ATP8B4: variants seen among roughly 807,000 people sequenced by gnomAD.
ATP8B4 encodes ATPase phospholipid transporting 8B4 (putative), also known as probable phospholipid-transporting ATPase IM.
Under a neutral mutation model 145.6 loss-of-function variants are expected in ATP8B4, and 133 were observed. The observed-to-expected ratio is 0.91, with a 90% CI of 0.79 to 1.05. The LOEUF is 1.05. Among genes scored for constraint, ATP8B4 ranks in the 50% least tolerant of loss-of-function variants. The pLI is 0.00. For synonymous variants in ATP8B4, 507 were observed against 492.9 expected, an observed-to-expected ratio of 1.03 and a Z score of -0.38; for missense variants, 1,458 against 1,425.2, an observed-to-expected ratio of 1.02 and a Z score of -0.37.
intron 25 of ATP8B4, among the ~76,000 whole-genome samples, chr15:49,872,747 G>A (rs1482789784): frequency 2.6e-5 from 4 of 152,144 alleles, no homozygotes; most frequent in Non-Finnish European, 5.9e-5. Flanking sequence ...GAGATGGGAG[G>A]AGACTAAGGA....
chr15:49,874,769 G>A (rs1401514089), intron 25 of ATP8B4, among the ~76,000 whole-genome samples: 2 of 152,138 alleles, frequency 1.3e-5, no homozygotes, highest in Non-Finnish European at 2.9e-5. Flanking sequence ...TTGAAGTTCT[G>A]TAATTTTTTC....
At chr15:49,872,316 T>G (rs1299834647) in intron 25 of ATP8B4, among the ~76,000 whole-genome samples, 1 of 152,188 alleles carries the variant, frequency 6.6e-6, no homozygotes, top group Non-Finnish European at 1.5e-5. Flanking sequence ...TATTTAAAAT[T>G]ACACCTGCTA....
Position 49,931,307 on chromosome 15 carries a change from C to T in ATP8B4, c.1454G>A (p.Gly485Glu), listed in dbSNP as rs140925871. The T allele has an allele frequency of 1.4e-4, 230 of 1,611,034 alleles. 1 individual carries two copies. In the Middle Eastern group the frequency reaches 4.5e-3, roughly 31 times the overall value. ...HTVMSEENSA[G>E]ELIYQVQSPD... is the part of the protein sequence containing the mutation. ...TGACTGAACTTGGTAAATCAGCTCT[C>T]CTAAAAGGTAAAGAAACAAGTGTAT... The change falls in exon 16 of 28, where the codon GGA becomes GAA. Residue 485 changes from glycine to glutamate, a missense_variant and splice_region_variant. Coordinates refer to ENST00000284509, the MANE Select transcript of ATP8B4 (RefSeq NM_024837.4).
chr15:50,139,960 A>T (rs2044184782), intron 1 of ATP8B4, among the ~76,000 whole-genome samples: 1 of 152,086 alleles, frequency 6.6e-6, no homozygotes, highest in Non-Finnish European at 1.5e-5. Flanking sequence ...AATGGGAGGT[A>T]AGCTATGAGT....
chr15:50,016,489 G>A (rs965266160), intron 6 of ATP8B4, among the ~76,000 whole-genome samples: 2 of 152,170 alleles, frequency 1.3e-5, no homozygotes, highest in Non-Finnish European at 2.9e-5. Flanking sequence ...AAGTTCTCTT[G>A]GGATTAACAC....
intron 13 of ATP8B4, among the ~76,000 whole-genome samples, chr15:49,962,916 G>A (rs2044205535): frequency 6.6e-6 from 1 of 151,776 alleles, no homozygotes. Flanking sequence ...CTATTTGCCA[G>A]GATTAAATTT....
At chr15:50,047,623 T>A (rs574311436) in intron 3 of ATP8B4, among the ~76,000 whole-genome samples, 159 bp from the exon 4 acceptor site, 1 of 152,040 alleles carries the variant, frequency 6.6e-6, no homozygotes, top group Non-Finnish European at 1.5e-5. Flanking sequence ...TTTCCCAAGA[T>A]GATATGCTCC....
At chr15:50,015,511 G>A (rs764963590) in intron 6 of ATP8B4, among the ~76,000 whole-genome samples, 4 of 152,114 alleles carry the variant, frequency 2.6e-5, no homozygotes, top group Non-Finnish European at 5.9e-5. Flanking sequence ...ATTTCCCAGA[G>A]TAATTATGTA....
chr15:50,021,617 C>A (rs942733507), intron 6 of ATP8B4, among the ~76,000 whole-genome samples: 1 of 152,192 alleles, frequency 6.6e-6, no homozygotes, highest in Non-Finnish European at 1.5e-5. Flanking sequence ...TCTTTAAAAT[C>A]ATCTCCCCAT....
At chr15:50,167,293 A>G (rs1595664582) in intron 1 of ATP8B4, among the ~76,000 whole-genome samples, 1 of 152,210 alleles carries the variant, frequency 6.6e-6, no homozygotes, top group Non-Finnish European at 1.5e-5. Context: ...CTGGAGGACA[A>G]AAGTCCAAAG....
At chr15:50,128,088 T>C (rs1441190717) in intron 1 of ATP8B4, among the ~76,000 whole-genome samples, 1 of 152,116 alleles carries the variant, frequency 6.6e-6, no homozygotes, top group Non-Finnish European at 1.5e-5. Context: ...AGTGTTTCGT[T>C]TTGTATCCAG....
intron 10 of ATP8B4, among the ~76,000 whole-genome samples, chr15:49,986,131 C>T (rs570944173): frequency 6.7e-4 from 102 of 152,234 alleles, no homozygotes; most frequent in Admixed American, 2.9e-3. Context: ...GGCCTCTCAG[C>T]GGTTCACAAC....
chr15:50,090,208 G>A (rs1035416781), intron 2 of ATP8B4, among the ~76,000 whole-genome samples: 1 of 152,114 alleles, frequency 6.6e-6, no homozygotes, highest in Non-Finnish European at 1.5e-5. Flanking sequence ...ACTGGGGCCT[G>A]TGGGGTAGGG....
chr15:50,121,082 G>A (rs2057265374), upstream of ATP8B4, among the ~76,000 whole-genome samples: 1 of 152,160 alleles, frequency 6.6e-6, no homozygotes, highest in Non-Finnish European at 1.5e-5. Context: ...TCAAGTTGCA[G>A]AAGAATTGTG....
intron 20 of ATP8B4, among the ~76,000 whole-genome samples, chr15:49,910,112 C>T (rs2039075974): frequency 6.6e-6 from 1 of 151,898 alleles, no homozygotes; most frequent in Non-Finnish European, 1.5e-5. Context: ...AAAAACAATT[C>T]AGGATATGAT....
Position 49,898,240 on chromosome 15 carries a change from T to C in ATP8B4, c.2301A>G (p.Leu767=). ...GGAGATCATTCTTGACATCACTTTC[T>C]AGGGCATGAGCCTGTATGATTAAAA... ...IINGHSLAHA[L]ESDVKNDLLE... is the part of the protein sequence containing the mutation. Residue 767 remains leucine (L), a synonymous_variant, in exon 22 of 28, where the codon CTA becomes CTG. Transcript: ENST00000284509. 6.2e-7 allele frequency: 1 copy of C among 1,613,400 alleles called. No individual in the cohort carries two copies. Among genetic ancestry groups the C allele is most frequent in the South Asian group, 1.1e-5 (1 of 91,044 alleles).
At chr15:50,059,874 A>T (rs2052879265) in intron 3 of ATP8B4, among the ~76,000 whole-genome samples, 1 of 152,188 alleles carries the variant, frequency 6.6e-6, no homozygotes, top group South Asian at 2.1e-4. Flanking sequence ...GAAGGGCTGG[A>T]GGAGGCAAAA....
chr15:49,934,833 A>T (rs2041600013), intron 14 of ATP8B4, among the ~76,000 whole-genome samples: 1 of 152,092 alleles, frequency 6.6e-6, no homozygotes, highest in African/African-American at 2.4e-5. Context: ...TCCACTCTGA[A>T]CACTTACATA....
chr15:49,962,712 G>A (rs1460592187), intron 13 of ATP8B4, among the ~76,000 whole-genome samples: 2 of 151,976 alleles, frequency 1.3e-5, no homozygotes, highest in African/African-American at 4.8e-5. Context: ...TCACCATATT[G>A]TTCATAATCT....
Sources: gnomAD v4.1 joint callset for allele counts (sites outside exome capture counted in the v4.1 genomes callset) on GRCh38, gnomAD v4.1.1 for gene constraint, MANE v1.5 for transcripts, NCBI Gene and HGNC (gene_info 2026-07-23, HGNC 2026-07-21) for gene names.